PCLO: variants seen among roughly 807,000 people sequenced by gnomAD.
The protein encoded by PCLO is piccolo presynaptic cytomatrix protein.
A neutral mutation model predicts 427.5 loss-of-function variants in PCLO; 82 were observed. The ratio of observed to expected loss-of-function variants is 0.19; its 90% CI spans 0.16 to 0.23. The LOEUF (loss-of-function observed/expected upper bound fraction) is 0.23. Among genes scored for constraint, PCLO ranks in the 10% least tolerant of loss-of-function variants. The pLI is 1.00. For missense variants in PCLO, 6,239 were observed against 6,115.9 expected (o/e 1.02, Z -0.67); for synonymous variants, 2,357 against 2,155.4 (o/e 1.09, Z -2.59).
chr7:83,043,185 T>A (rs1175168864), intron 3 of PCLO, among the ~76,000 whole-genome samples: 1 of 151,992 alleles, frequency 6.6e-6, no homozygotes, highest in Non-Finnish European at 1.5e-5. Flanking sequence ...GGGTAAAATC[T>A]CCCCCAGTTG....
chr7:83,049,964 A>T (rs932337522), intron 3 of PCLO, among the ~76,000 whole-genome samples: 2 of 151,608 alleles, frequency 1.3e-5, no homozygotes, highest in Non-Finnish European at 2.9e-5. Context: ...ATTCTCTCCC[A>T]TCTTTCCTCA....
chr7:83,071,989 G>A (rs1367482599), intron 3 of PCLO, among the ~76,000 whole-genome samples: 1 of 152,004 alleles, frequency 6.6e-6, no homozygotes, highest in Admixed American at 6.6e-5. Flanking sequence ...TGCTGAATAT[G>A]TGATTCAAAC....
chr7:83,022,134 C>T (rs532495219), intron 3 of PCLO, among the ~76,000 whole-genome samples: 1 of 151,930 alleles, frequency 6.6e-6, no homozygotes, highest in African/African-American at 2.4e-5. Flanking sequence ...GATTAGTGCC[C>T]ATATGAAAGA....
At chr7:83,096,760 ATATAT>A (rs1340157256) in intron 3 of PCLO, among the ~76,000 whole-genome samples, 1 of 126,510 alleles carries the variant, frequency 7.9e-6, no homozygotes, top group Admixed American at 1.1e-4. Flanking sequence ...AATTATATAA[ATATAT>A]TATATATTAT....
At chr7:83,072,139 T>C (rs544150110) in intron 3 of PCLO, among the ~76,000 whole-genome samples, 1 of 152,204 alleles carries the variant, frequency 6.6e-6, no homozygotes, top group East Asian at 1.9e-4. Context: ...AATAGTTACA[T>C]GATAATGATT....
chr7:83,121,443 T>C (rs1265043646), intron 3 of PCLO, among the ~76,000 whole-genome samples: 1 of 151,950 alleles, frequency 6.6e-6, no homozygotes, highest in Non-Finnish European at 1.5e-5. Flanking sequence ...CTTTTACACC[T>C]AAGAAGACAG....
At chr7:82,856,352 T>G (rs1386834372) in intron 10 of PCLO, among the ~76,000 whole-genome samples, 1 of 152,208 alleles carries the variant, frequency 6.6e-6, no homozygotes, top group East Asian at 1.9e-4. Context: ...CCATGATTTG[T>G]GGACCAACCT....
intron 2 of PCLO, among the ~76,000 whole-genome samples, chr7:83,147,592 G>T (rs1333145962): frequency 2.0e-5 from 3 of 152,090 alleles, no homozygotes; most frequent in African/African-American, 7.2e-5. Flanking sequence ...AATCCTCATT[G>T]TTATTTAGAA....
intron 16 of PCLO, among the ~76,000 whole-genome samples, chr7:82,831,769 T>G (rs1367983075): frequency 2.0e-5 from 3 of 152,180 alleles, no homozygotes; most frequent in Non-Finnish European, 4.4e-5. Context: ...TAAACACCAA[T>G]GAAAGCCTTT....
intron 8 of PCLO, among the ~76,000 whole-genome samples, chr7:82,905,945 G>T (rs774843943): frequency 1.3e-5 from 2 of 151,728 alleles, no homozygotes; most frequent in Non-Finnish European, 2.9e-5. Context: ...AAGAGATTAG[G>T]TTATCTGTGC....
chr7:82,843,597 G>A (rs568899777), intron 13 of PCLO, among the ~76,000 whole-genome samples: 4 of 151,192 alleles, frequency 2.6e-5, no homozygotes, highest in Non-Finnish European at 4.4e-5. Context: ...TCAAGTGTTC[G>A]GACCACAAAA....
intron 3 of PCLO, among the ~76,000 whole-genome samples, chr7:83,093,492 A>ATATATATATATATATTTTTTTTTTTTT: frequency 1.7e-5 from 1 of 59,320 alleles, no homozygotes; most frequent in Non-Finnish European, 3.3e-5. Context: ...ATATATATAT[A>ATATATATATATATATTTTTTTTTTTTT]TTTTTTTTTT....
At chr7:82,810,999 G>T (rs568274096) in intron 20 of PCLO, among the ~76,000 whole-genome samples, 1 of 151,656 alleles carries the variant, frequency 6.6e-6, no homozygotes, top group African/African-American at 2.4e-5. Flanking sequence ...TAAATAGGTT[G>T]CTGTCTATGA....
intron 3 of PCLO, among the ~76,000 whole-genome samples, chr7:83,006,519 G>A (rs1291022923): frequency 6.6e-6 from 1 of 151,474 alleles, no homozygotes; most frequent in Non-Finnish European, 1.5e-5. Context: ...TGTTTCATAA[G>A]AGATGCTGCA....
intron 10 of PCLO, among the ~76,000 whole-genome samples, chr7:82,866,768 G>T (rs750227302): frequency 1.6e-4 from 24 of 151,522 alleles, no homozygotes; most frequent in Non-Finnish European, 3.4e-4. Context: ...TTCCACTTCG[G>T]CACTTATCAT....
chr7:82,951,921 T>C lies in PCLO; in HGVS notation c.9032A>G (p.Asn3011Ser), dbSNP rs777457955. 6.2e-7 allele frequency: 1 copy of C among 1,613,862 alleles called. No individual in the cohort carries two copies. The highest frequency in any genetic ancestry group is 8.5e-7 in the Non-Finnish European group (1 of 1,179,826). The change falls in exon 5 of 25, where the codon AAT becomes AGT. Residue 3011 changes from asparagine (N) to serine (S), a missense_variant. Transcript: ENST00000333891. ...EAGHFFYKSKNAFDYSEGTDT... is the reference protein window; with the variant it reads ...EAGHFFYKSKSAFDYSEGTDT... ...AGTTCCTTCAGAATAATCAAAAGCA[T>C]TCTTACTTTTATAGAAAAAATGTCC...
Position 82,965,983 on chromosome 7 carries a change from C to G in PCLO, c.3805G>C (p.Val1269Leu). ...TCAAGCTTTTCTTCAGCAATTTGTA[C>G]TTGAGATTTAAGTAAGTCATGTTTC... is the stretch of plus-strand genomic sequence containing the variant. ...EQKHDLLKSQ[V>L]QIAEEKLEGR... The change falls in exon 4 of 25, where the codon GTA becomes CTA. Residue 1269 changes from valine to leucine, a missense_variant. Physicochemically the swap from Val to Leu is conservative, Grantham distance 32 (BLOSUM62 1). Transcript: ENST00000333891. The G allele has an allele frequency of 1.2e-6, 2 of 1,613,762 alleles. No individual in the cohort carries two copies. Among genetic ancestry groups the G allele is most frequent in the Non-Finnish European group, 1.7e-6 (2 of 1,179,858 alleles).
chr7:83,133,885 G>A (rs1020017770), intron 3 of PCLO, among the ~76,000 whole-genome samples: 2 of 151,856 alleles, frequency 1.3e-5, no homozygotes, highest in African/African-American at 4.8e-5. Context: ...GAGTTTACAT[G>A]TGAAAATATT....
intron 22 of PCLO, among the ~76,000 whole-genome samples, chr7:82,765,086 A>T (rs778967517): frequency 2.0e-5 from 3 of 151,948 alleles, no homozygotes; most frequent in Non-Finnish European, 4.4e-5. Flanking sequence ...GTGATAATAC[A>T]CTCAATGGCT....
Sources: gnomAD v4.1 joint callset for allele counts (sites outside exome capture counted in the v4.1 genomes callset) on GRCh38, gnomAD v4.1.1 for gene constraint, MANE v1.5 for transcripts, NCBI Gene and HGNC (gene_info 2026-07-23, HGNC 2026-07-21) for gene names.